The following DPF3 variants were observed in gnomAD, a reference collection of about 807,000 sequenced individuals.
The protein encoded by DPF3 is double PHD fingers 3.
In DPF3, 18 loss-of-function variants were observed where a neutral mutation model predicts 56.8. The ratio of observed to expected loss-of-function variants is 0.32; its 90% CI spans 0.22 to 0.47. The LOEUF (loss-of-function observed/expected upper bound fraction) is 0.47. Among genes scored for constraint, DPF3 ranks in the 20% least tolerant of loss-of-function variants. DPF3 has a pLI of 1.00. For missense variants in DPF3, 403 were observed against 488.8 expected, an observed-to-expected ratio of 0.82 and a Z score of 1.65; for synonymous variants, 188 against 180.2, an observed-to-expected ratio of 1.04 and a Z score of -0.35.
At chr14:72,771,683 C>A in intron 2 of DPF3, 50 bp downstream of exon 2, 1 of 1,565,590 alleles carries the variant, frequency 6.4e-7, no homozygotes, top group Non-Finnish European at 8.6e-7. Flanking sequence ...CCTCCTCCCT[C>A]CAGGCTGGGA....
rs549724458 is a variant in DPF3 at position 72,875,142 on chromosome 14, T to C, written c.32+18915A>G. Among the ~76,000 whole-genome samples, 269 of 152,324 alleles carry C rather than the reference T, an allele frequency of 1.8e-3. 1 individual carries two copies. Among genetic ancestry groups the C allele is most frequent in the Middle Eastern group, 3.4e-3 (1 of 294 alleles). On this transcript the variant is annotated intron_variant, in intron 1 of 10. Coordinates refer to ENST00000556509, the MANE Select transcript of DPF3 (RefSeq NM_001280542.3). Reference sequence around the variant, plus strand: ...GCATGGGAAAGACTGGCCTCCATGATTCAATTACCTCCCCATGGGTCTCTC... The same window carrying C: ...GCATGGGAAAGACTGGCCTCCATGACTCAATTACCTCCCCATGGGTCTCTC...
chr14:72,720,821 T>C (rs1322531594), intron 5 of DPF3, among the ~76,000 whole-genome samples: 1 of 152,176 alleles, frequency 6.6e-6, no homozygotes, highest in South Asian at 2.1e-4. Flanking sequence ...AAAGAAGTTC[T>C]GACCAATAGA....
At chr14:72,711,632 G>A (rs1888656923) in intron 6 of DPF3, among the ~76,000 whole-genome samples, 1 of 152,038 alleles carries the variant, frequency 6.6e-6, no homozygotes, top group Non-Finnish European at 1.5e-5. Flanking sequence ...TATGGGGTGG[G>A]GCCCTAAGTC....
At position 72,780,303 on chromosome 14, in the gene DPF3, T is replaced by C. The variant is rs973691081; in HGVS notation, c.33-8410A>G. ...CCAGTAGGGTTTGCTCTCTGGCTTC[T>C]CTGAGCTACCTTATCTGTCTTACTT... On this transcript the variant is annotated intron_variant, in intron 1 of 10. Coordinates refer to ENST00000556509, the MANE Select transcript of DPF3 (RefSeq NM_001280542.3). Among the ~76,000 whole-genome samples the C allele has an allele frequency of 3.3e-5, 5 of 152,222 alleles. 1 individual carries two copies. Among genetic ancestry groups the C allele is most frequent in the Non-Finnish European group, 7.3e-5 (5 of 68,044 alleles).
chr14:72,693,077 C>T lies in DPF3; in HGVS notation c.741G>A (p.Arg247=). Residue 247 remains arginine (R), a splice_region_variant and synonymous_variant, in exon 7 of 11, where the codon AGG becomes AGA. Transcript: ENST00000556509. The part of the protein sequence containing the change: ...SPPNHRNENH[R]PQKGPDGTVI... Reference sequence around the variant, plus strand: ...CCAACCTAACAAGTAGGCACTCACGCCTGTGGTTCTCATTTCTGTGGTTGG... The same window carrying T: ...CCAACCTAACAAGTAGGCACTCACGTCTGTGGTTCTCATTTCTGTGGTTGG... The T allele has an allele frequency of 6.2e-7, 1 of 1,614,018 alleles. No individual in the cohort carries two copies. Among genetic ancestry groups the T allele is most frequent in the African/African-American group, 1.3e-5 (1 of 75,052 alleles).
intron 1 of DPF3, among the ~76,000 whole-genome samples, chr14:72,850,104 G>A (rs907308862): frequency 5.9e-5 from 9 of 151,790 alleles, no homozygotes; most frequent in African/African-American, 2.4e-5. Context: ...AGGCGACAGA[G>A]AGAAACTCCA....
intron 8 of DPF3, among the ~76,000 whole-genome samples, chr14:72,636,129 C>T (rs1389305470): frequency 2.0e-5 from 3 of 152,132 alleles, no homozygotes; most frequent in Non-Finnish European, 2.9e-5. Flanking sequence ...AATTGTATTA[C>T]ATAAAATACA....
Position 72,610,804 on chromosome 14 carries a change from G to A in DPF3, c.*8493C>T, listed in dbSNP as rs1349218640. ...AGGAGCTGGGGACCTGAGGGCTCAG[G>A]GCCCACCACTGGCTGCCTGGGGGAA... On this transcript the variant is annotated 3_prime_UTR_variant, in exon 11 of 11. Transcript: ENST00000556509. Among the ~76,000 whole-genome samples the A allele has an allele frequency of 6.6e-6, 1 of 152,148 alleles. No individual in the cohort carries two copies. Among genetic ancestry groups the A allele is most frequent in the East Asian group, 1.9e-4 (1 of 5,184 alleles).
intron 8 of DPF3, among the ~76,000 whole-genome samples, chr14:72,644,565 A>G (rs1885658970): frequency 6.6e-6 from 1 of 152,224 alleles, no homozygotes; most frequent in Admixed American, 6.5e-5. Flanking sequence ...AGTGACCAGC[A>G]TCTGTCTTCA....
chr14:72,889,653 T>C (rs190101778), intron 1 of DPF3, among the ~76,000 whole-genome samples: 3 of 152,204 alleles, frequency 2.0e-5, no homozygotes, highest in Admixed American at 2.0e-4. Context: ...GTCTGGCTTC[T>C]AACTTTCACA....
At chr14:72,709,009 C>T (rs1888539704) in intron 6 of DPF3, among the ~76,000 whole-genome samples, 1 of 152,226 alleles carries the variant, frequency 6.6e-6, no homozygotes, top group African/African-American at 2.4e-5. Context: ...CAGGACTAAA[C>T]GTCCAGCCTG....
rs1457521612 is a variant in DPF3 at position 72,616,785 on chromosome 14, A to G, written c.*2512T>C. ...TCTCATTCTCTGGGGTTCAAAAAAA[A>G]GAGACCAATTTAAAGTTTACCAACC... On this transcript the variant is annotated 3_prime_UTR_variant, in exon 11 of 11. Transcript: ENST00000556509. Among the ~76,000 whole-genome samples the G allele has an allele frequency of 6.6e-6, 1 of 152,200 alleles. No homozygotes were observed. Among genetic ancestry groups the G allele is most frequent in the Admixed American group, 6.5e-5 (1 of 15,290 alleles).
At chr14:72,836,933 A>G (rs1884321377) in intron 1 of DPF3, among the ~76,000 whole-genome samples, 1 of 152,082 alleles carries the variant, frequency 6.6e-6, no homozygotes, top group South Asian at 2.1e-4. Flanking sequence ...GCACTGGCGC[A>G]ATCTCAGCTC....
At chr14:72,801,753 C>A (rs1161390699) in intron 1 of DPF3, among the ~76,000 whole-genome samples, 2 of 152,122 alleles carry the variant, frequency 1.3e-5, no homozygotes, top group Non-Finnish European at 2.9e-5. Flanking sequence ...GGACAAGGCC[C>A]ATACACACTT....
intron 3 of DPF3, among the ~76,000 whole-genome samples, chr14:72,745,949 TATGA>T (rs1890306141): frequency 6.6e-6 from 1 of 152,232 alleles, no homozygotes; most frequent in Non-Finnish European, 1.5e-5. Context: ...AACTGCATTT[TATGA>T]ATGATGAGGG....
intron 1 of DPF3, chr14:72,806,199 G>A (rs1056233029): frequency 2.6e-5 from 4 of 152,142 alleles, no homozygotes; most frequent in Non-Finnish European, 5.9e-5. Flanking sequence ...GTTCCCCTCA[G>A]CTCTTAGCCA....
At chr14:72,785,400 C>T (rs539446870) in intron 1 of DPF3, among the ~76,000 whole-genome samples, 27 of 152,282 alleles carry the variant, frequency 1.8e-4, no homozygotes, top group Non-Finnish European at 3.4e-4. Flanking sequence ...GAGAGTCTTA[C>T]GTGATTTGCT....
chr14:72,799,575 G>A (rs1363859943), intron 1 of DPF3, among the ~76,000 whole-genome samples: 1 of 152,104 alleles, frequency 6.6e-6, no homozygotes, highest in African/African-American at 2.4e-5. Context: ...AGGATCGCTT[G>A]AGCCCAGTGA....
intron 1 of DPF3, among the ~76,000 whole-genome samples, chr14:72,815,464 T>C (rs1883244607): frequency 1.3e-5 from 2 of 152,230 alleles, no homozygotes; most frequent in African/African-American, 2.4e-5. Context: ...TATATTTTCA[T>C]TTCTCCCAGA....
Sources: allele counts gnomAD v4.1 joint callset (sites outside exome capture counted in the v4.1 genomes callset), GRCh38; gene constraint gnomAD v4.1.1; transcripts MANE v1.5; gene names NCBI Gene and HGNC (gene_info 2026-07-23, HGNC 2026-07-21).